The following NLGN4X variants were observed in gnomAD, a reference collection of about 807,000 sequenced individuals.
The protein encoded by NLGN4X is neuroligin-4, X-linked.
In NLGN4X, 3 loss-of-function variants were observed where a neutral mutation model predicts 40.3. The observed-to-expected ratio is 0.07, with a 90% CI of 0.03 to 0.19. NLGN4X has a LOEUF of 0.19. Among genes scored for constraint, NLGN4X ranks in the 10% least tolerant of loss-of-function variants. NLGN4X has a pLI of 1.00. For synonymous variants in NLGN4X, 270 were observed against 306.8 expected, an observed-to-expected ratio of 0.88 and a Z score of 1.25; for missense variants, 382 against 708.3, an observed-to-expected ratio of 0.54 and a Z score of 5.23.
At chrX:5,958,714 TGA>T (rs1231488589) in intron 3 of NLGN4X, among the ~76,000 whole-genome samples, 1 of 112,007 alleles carries the variant, frequency 8.9e-6, no homozygotes, top group Non-Finnish European at 1.9e-5. Context: ...TTCTTCTTGC[TGA>T]GTCATGGTTT....
At chrX:6,142,705 A>G (rs1489183761) in intron 2 of NLGN4X, among the ~76,000 whole-genome samples, 1 of 112,444 alleles carries the variant, frequency 8.9e-6, no homozygotes, top group Admixed American at 9.4e-5. Flanking sequence ...AATCTCACAC[A>G]CAAAGAATGG....
intron 3 of NLGN4X, among the ~76,000 whole-genome samples, chrX:5,919,821 C>T (rs2032960075): frequency 8.9e-6 from 1 of 111,833 alleles, no homozygotes; most frequent in African/African-American, 3.3e-5. Context: ...GTGTTGAGGA[C>T]TGCTGCTCTG....
intron 5 of NLGN4X, among the ~76,000 whole-genome samples, chrX:5,899,690 CTT>C (rs72374207): frequency 0.31 from 29,336 of 95,469 alleles, 3,811 homozygotes; most frequent in East Asian, 0.59. Context: ...GTCTTTTTTC[CTT>C]TTTTTTTTTT....
chrX:6,113,859 A>T (rs1438749760), intron 2 of NLGN4X, among the ~76,000 whole-genome samples: 1 of 111,223 alleles, frequency 9.0e-6, no homozygotes, highest in African/African-American at 3.3e-5. Context: ...TTGCCCTGTC[A>T]CCCAGGCTGG....
At chrX:6,039,499 C>A (rs2037103471) in intron 2 of NLGN4X, among the ~76,000 whole-genome samples, 1 of 111,985 alleles carries the variant, frequency 8.9e-6, no homozygotes, top group African/African-American at 3.2e-5. Flanking sequence ...CTTTGTTATG[C>A]AGCAGTAGCT....
chrX:6,128,687 G>T (rs2039614194), intron 2 of NLGN4X, among the ~76,000 whole-genome samples: 1 of 112,005 alleles, frequency 8.9e-6, no homozygotes, highest in Admixed American at 9.4e-5. Context: ...AAGACAGGGG[G>T]ATGTGGGTTG....
At chrX:6,116,205 A>G (rs1384854782) in intron 2 of NLGN4X, among the ~76,000 whole-genome samples, 1 of 94,520 alleles carries the variant, frequency 1.1e-5, no homozygotes, top group Non-Finnish European at 2.1e-5. Context: ...AGGCAGGAGA[A>G]TGGCGTGAAC....
chrX:6,114,471 T>G (rs978950246), intron 2 of NLGN4X, among the ~76,000 whole-genome samples: 2 of 108,229 alleles, frequency 1.8e-5, no homozygotes, highest in South Asian at 8.1e-4. Context: ...TGGAAAGTTC[T>G]TAACAAAAAA....
At chrX:5,975,245 G>C (rs1047176886) in intron 3 of NLGN4X, among the ~76,000 whole-genome samples, 1 of 112,025 alleles carries the variant, frequency 8.9e-6, no homozygotes, top group African/African-American at 3.2e-5. Context: ...TAGAATCGAA[G>C]TTATGCACTT....
At chrX:6,179,417 G>A (rs919671031) in intron 1 of NLGN4X, among the ~76,000 whole-genome samples, 2 of 112,078 alleles carry the variant, frequency 1.8e-5, no homozygotes, top group African/African-American at 6.5e-5. Context: ...AGTTGCATAG[G>A]GCTAGAGTTT....
At chrX:6,123,453 C>A (rs2039470467) in intron 2 of NLGN4X, among the ~76,000 whole-genome samples, 1 of 111,105 alleles carries the variant, frequency 9.0e-6, no homozygotes, top group Admixed American at 9.6e-5. Context: ...GGAGAGGAAC[C>A]CAGAACACAG....
At chrX:6,149,659 A>C (rs2040123368) in intron 2 of NLGN4X, among the ~76,000 whole-genome samples, 1 of 111,627 alleles carries the variant, frequency 9.0e-6, no homozygotes, top group Non-Finnish European at 1.9e-5. Context: ...GAGATAATTG[A>C]GAGGTCTGTC....
At chrX:6,113,771 T>C (rs1019554028) in intron 2 of NLGN4X, among the ~76,000 whole-genome samples, 9 of 111,296 alleles carry the variant, frequency 8.1e-5, no homozygotes, top group Non-Finnish European at 9.4e-5. Context: ...AACTGAGTGA[T>C]TGCAGTCTGC....
intron 2 of NLGN4X, among the ~76,000 whole-genome samples, chrX:6,115,033 AG>A (rs1218268495): frequency 8.9e-6 from 1 of 112,496 alleles, no homozygotes; most frequent in Non-Finnish European, 1.9e-5. Context: ...AATGGTTTCT[AG>A]GAAGAAAAAA....
At chrX:5,950,674 C>T (rs937749796) in intron 3 of NLGN4X, among the ~76,000 whole-genome samples, 14 of 112,202 alleles carry the variant, frequency 1.2e-4, no homozygotes, top group African/African-American at 2.3e-4. Context: ...TTAAACACCA[C>T]GTCAGTGGGA....
chrX:6,086,244 G>C (rs2038493713), intron 2 of NLGN4X, among the ~76,000 whole-genome samples: 1 of 111,720 alleles, frequency 9.0e-6, no homozygotes, highest in African/African-American at 3.3e-5. Context: ...GGTAAAGATG[G>C]TTTGAGGAAG....
intron 1 of NLGN4X, among the ~76,000 whole-genome samples, chrX:6,212,760 C>T (rs1472220737): frequency 8.9e-6 from 1 of 111,849 alleles, no homozygotes; most frequent in East Asian, 2.8e-4. Flanking sequence ...GAGAGTTTCT[C>T]TAAGAGTCAT....
intron 3 of NLGN4X, among the ~76,000 whole-genome samples, chrX:5,973,317 G>A (rs2035080695): frequency 8.9e-6 from 1 of 112,482 alleles, no homozygotes; most frequent in Non-Finnish European, 1.9e-5. Flanking sequence ...GATTTGAGTA[G>A]TCAGGACAGA....
intron 2 of NLGN4X, among the ~76,000 whole-genome samples, chrX:6,097,968 C>T (rs1025102067): frequency 8.9e-6 from 1 of 112,149 alleles, no homozygotes; most frequent in Non-Finnish European, 1.9e-5. Context: ...TAATGCTCAA[C>T]TGAAATATGA....
Sources: gnomAD v4.1 joint callset for allele counts (sites outside exome capture counted in the v4.1 genomes callset) on GRCh38, gnomAD v4.1.1 for gene constraint, MANE v1.5 for transcripts, NCBI Gene and HGNC (gene_info 2026-07-23, HGNC 2026-07-21) for gene names.